Variants in WWOX observed in about 807,000 individuals in gnomAD.
WWOX encodes WW domain containing oxidoreductase.
In WWOX, 69 loss-of-function variants were observed where a neutral mutation model predicts 46.2. The observed-to-expected ratio is 1.49, with a 90% CI of 1.23 to 1.82. The LOEUF (loss-of-function observed/expected upper bound fraction) is 1.82, where lower values mean the gene tolerates loss of function less well. Among genes scored for constraint, WWOX ranks in the 40% most tolerant of loss-of-function variants. The pLI is 0.00. For synonymous variants in WWOX, 359 were observed against 202.6 expected, an observed-to-expected ratio of 1.77 and a Z score of -6.56; for missense variants, 919 against 542.6, an observed-to-expected ratio of 1.69 and a Z score of -6.89.
intron 5 of WWOX, among the ~76,000 whole-genome samples, chr16:78,190,227 C>A (rs535402291): frequency 6.6e-6 from 1 of 152,294 alleles, no homozygotes; most frequent in Non-Finnish European, 1.5e-5. Context: ...AATCTCTTAT[C>A]TGAAGGCCTA....
chr16:78,689,358 T>C (rs1309398944), intron 8 of WWOX, among the ~76,000 whole-genome samples: 1 of 152,222 alleles, frequency 6.6e-6, no homozygotes, highest in African/African-American at 2.4e-5. Context: ...ACATCATATC[T>C]CTTTAAGAAA....
At chr16:78,931,424 C>G (rs2045622049) in intron 8 of WWOX, among the ~76,000 whole-genome samples, 1 of 152,152 alleles carries the variant, frequency 6.6e-6, no homozygotes, top group African/African-American at 2.4e-5. Context: ...GTCCTCAGCA[C>G]ATAAAAGTTT....
intron 8 of WWOX, among the ~76,000 whole-genome samples, chr16:79,186,766 C>G (rs952603631): frequency 2.0e-5 from 3 of 152,022 alleles, no homozygotes; most frequent in African/African-American, 4.8e-5. Context: ...GAATTTTTCT[C>G]CAATCCTCAC....
Position 78,815,700 on chromosome 16 carries a change from T to A in WWOX, c.1056+382948T>A, listed in dbSNP as rs549786014. Among the ~76,000 whole-genome samples the A allele has an allele frequency of 5.9e-5, 9 of 152,292 alleles. No individual in the cohort carries two copies. The South Asian group carries it at 1.7e-3, about 28-fold the overall frequency. ...ATCCTTCCTTCCCTTCCTGTTCTTT[T>A]AAGGAAATCTGAAAAGGAGCAAAAG... On this transcript the variant is annotated intron_variant, in intron 8 of 8. Coordinates refer to ENST00000566780, the MANE Select transcript of WWOX (RefSeq NM_016373.4).
intron 8 of WWOX, among the ~76,000 whole-genome samples, chr16:78,776,403 C>G (rs987675853): frequency 3.3e-5 from 5 of 152,006 alleles, no homozygotes; most frequent in African/African-American, 9.7e-5. Flanking sequence ...CCTGGGTCAA[C>G]TCATACCTAC....
At chr16:78,259,281 G>A (rs954426529) in intron 5 of WWOX, among the ~76,000 whole-genome samples, 4 of 152,160 alleles carry the variant, frequency 2.6e-5, no homozygotes, top group African/African-American at 7.2e-5. Flanking sequence ...AAAGTTATTA[G>A]CAGAGAAGAC....
intron 8 of WWOX, among the ~76,000 whole-genome samples, chr16:78,560,779 A>AG (rs1205608362): frequency 6.6e-6 from 1 of 152,214 alleles, no homozygotes; most frequent in Admixed American, 6.5e-5. Flanking sequence ...TATACTCTGA[A>AG]GGCATGGTCA....
At chr16:78,680,967 G>C (rs1337882891) in intron 8 of WWOX, among the ~76,000 whole-genome samples, 1 of 152,126 alleles carries the variant, frequency 6.6e-6, no homozygotes, top group Non-Finnish European at 1.5e-5. Flanking sequence ...AAAAAATTTA[G>C]GCCATACTTA....
intron 5 of WWOX, among the ~76,000 whole-genome samples, chr16:78,250,056 C>G (rs1011316229): frequency 6.6e-6 from 1 of 152,214 alleles, no homozygotes; most frequent in Non-Finnish European, 1.5e-5. Flanking sequence ...GAGGGACAGA[C>G]CTGGCCTTGG....
chr16:78,849,573 CAAAAAA>C (rs778723646), intron 8 of WWOX, among the ~76,000 whole-genome samples: 9 of 97,340 alleles, frequency 9.2e-5, no homozygotes, highest in African/African-American at 2.5e-4. Context: ...GAATCCCTCT[CAAAAAA>C]AAAAAAAAAA....
At chr16:78,410,389 G>A (rs1171939969) in intron 6 of WWOX, among the ~76,000 whole-genome samples, 1 of 152,126 alleles carries the variant, frequency 6.6e-6, no homozygotes, top group Non-Finnish European at 1.5e-5. Context: ...AGTGGCTGTG[G>A]GGGTTAGGAT....
intron 8 of WWOX, among the ~76,000 whole-genome samples, chr16:78,555,946 C>T (rs943948260): frequency 6.6e-6 from 1 of 151,948 alleles, no homozygotes; most frequent in African/African-American, 2.4e-5. Context: ...AATAATAAAT[C>T]GCTGCTTATG....
chr16:79,040,937 A>C (rs1439678519), intron 8 of WWOX, among the ~76,000 whole-genome samples: 1 of 152,032 alleles, frequency 6.6e-6, no homozygotes, highest in African/African-American at 2.4e-5. Context: ...CCATGGATGG[A>C]GCATGGGTTT....
At chr16:78,414,503 A>G (rs1017853493) in intron 6 of WWOX, among the ~76,000 whole-genome samples, 6 of 152,202 alleles carry the variant, frequency 3.9e-5, no homozygotes, top group African/African-American at 1.2e-4. Flanking sequence ...CAGGAGGAGG[A>G]GATTGCAGTG....
chr16:78,877,653 T>G (rs1311221583), intron 8 of WWOX, among the ~76,000 whole-genome samples: 2 of 152,210 alleles, frequency 1.3e-5, no homozygotes, highest in African/African-American at 2.4e-5. Flanking sequence ...AGTTTTGTGT[T>G]TATTCTCCTA....
chr16:78,257,802 G>A (rs1265378991), intron 5 of WWOX, among the ~76,000 whole-genome samples: 3 of 152,194 alleles, frequency 2.0e-5, no homozygotes, highest in African/African-American at 7.2e-5. Context: ...AAAACTCTTA[G>A]CCTTCTAAGA....
intron 8 of WWOX, among the ~76,000 whole-genome samples, chr16:79,069,846 A>G (rs1442264148): frequency 2.6e-5 from 4 of 152,278 alleles, no homozygotes; most frequent in South Asian, 2.1e-4. Context: ...TAAGAGCTCT[A>G]TGTAAACCAA....
intron 8 of WWOX, 74 bp from the exon 9 acceptor site, chr16:79,211,534 A>C: frequency 6.3e-7 from 1 of 1,598,488 alleles, no homozygotes; most frequent in East Asian, 2.2e-5. Context: ...GCTAATGCCC[A>C]GGCAGTCGAA....
intron 5 of WWOX, among the ~76,000 whole-genome samples, chr16:78,321,240 TTTTG>T (rs965103557): frequency 8.6e-5 from 13 of 150,994 alleles, no homozygotes; most frequent in African/African-American, 2.9e-4. Context: ...CACAATTCTC[TTTTG>T]TTTAAGGCAA....
Sources: gnomAD v4.1 joint callset for allele counts (sites outside exome capture counted in the v4.1 genomes callset) on GRCh38, gnomAD v4.1.1 for gene constraint, MANE v1.5 for transcripts, NCBI Gene and HGNC (gene_info 2026-07-23, HGNC 2026-07-21) for gene names.